The following DIAPH2 variants were observed in gnomAD, a reference collection of about 807,000 sequenced individuals.
DIAPH2 encodes the protein protein diaphanous homolog 2.
A neutral mutation model predicts 92.7 loss-of-function variants in DIAPH2; 35 were observed. The observed-to-expected ratio is 0.38, with a 90% CI of 0.29 to 0.50. The LOEUF (loss-of-function observed/expected upper bound fraction) is 0.50, where lower values mean the gene tolerates loss of function less well. DIAPH2 is among the 20% of genes least tolerant of loss of function. The probability of loss-of-function intolerance (pLI) is 0.94; values close to 1 mark genes in which losing one functional copy is unlikely to be tolerated. For synonymous variants in DIAPH2, 301 were observed against 280.4 expected (o/e 1.07, Z -0.73); for missense variants, 701 against 819.5 (o/e 0.86, Z 1.77).
chrX:96,948,763 C>A (rs2065754132), intron 14 of DIAPH2, among the ~76,000 whole-genome samples, 172 bp from the exon 15 acceptor site: 1 of 110,091 alleles, frequency 9.1e-6, no homozygotes, highest in Admixed American at 9.7e-5. Flanking sequence ...TCTTTACTAC[C>A]CCACCTCCAC....
intron 17 of DIAPH2, among the ~76,000 whole-genome samples, chrX:97,016,828 A>G (rs2066264287): frequency 8.9e-6 from 1 of 112,459 alleles, no homozygotes; most frequent in Non-Finnish European, 1.9e-5. Context: ...ATGCCCATCT[A>G]CTTTGTTTAT....
intron 26 of DIAPH2, among the ~76,000 whole-genome samples, chrX:97,553,836 T>G (rs1055490780): frequency 1.8e-5 from 2 of 111,016 alleles, no homozygotes; most frequent in Admixed American, 9.6e-5. Context: ...CTCTTCCTAC[T>G]TAATAACTCA....
chrX:97,213,558 G>C (rs759063064), intron 22 of DIAPH2, among the ~76,000 whole-genome samples: 48 of 111,652 alleles, frequency 4.3e-4, no homozygotes, highest in Non-Finnish European at 6.2e-4. Context: ...ATTGTGCTTT[G>C]CTTTATCAGA....
At chrX:97,570,138 AT>A (rs2071360526) in intron 26 of DIAPH2, among the ~76,000 whole-genome samples, 1 of 81,169 alleles carries the variant, frequency 1.2e-5, no homozygotes, top group African/African-American at 4.5e-5. Context: ...AGATAGATAG[AT>A]AGATAGATAG....
intron 23 of DIAPH2, among the ~76,000 whole-genome samples, chrX:97,316,530 C>G (rs978482834): frequency 9.2e-6 from 1 of 108,223 alleles, no homozygotes; most frequent in Non-Finnish European, 1.9e-5. Context: ...GTGGCGCGCA[C>G]CAGTAGTCCC....
chrX:96,959,090 T>C (rs184640171), intron 16 of DIAPH2, among the ~76,000 whole-genome samples: 291 of 111,895 alleles, frequency 2.6e-3, no homozygotes, highest in South Asian at 4.5e-3. Flanking sequence ...ACTGATTTCC[T>C]TTCCTTTGTA....
At chrX:97,200,413 C>T (rs888340662) in intron 22 of DIAPH2, among the ~76,000 whole-genome samples, 2 of 4,430 alleles carry the variant, frequency 4.5e-4, no homozygotes, top group Non-Finnish European at 1.5e-3. Context: ...GTCCCATTCC[C>T]ACGGAGCTCA....
At chrX:97,313,445 C>T (rs1027726603) in intron 23 of DIAPH2, among the ~76,000 whole-genome samples, 5 of 111,787 alleles carry the variant, frequency 4.5e-5, no homozygotes, top group African/African-American at 1.3e-4. Flanking sequence ...ACTTTGTCAT[C>T]GTGCTGCTTC....
chrX:97,133,680 T>C (rs982180258), intron 21 of DIAPH2, among the ~76,000 whole-genome samples: 1 of 112,290 alleles, frequency 8.9e-6, no homozygotes, highest in African/African-American at 3.2e-5. Context: ...ATATAATGTA[T>C]GGTAACATAT....
At chrX:96,930,372 C>G (rs1188641638) in intron 9 of DIAPH2, among the ~76,000 whole-genome samples, 8 of 110,420 alleles carry the variant, frequency 7.2e-5, no homozygotes, top group African/African-American at 2.6e-4. Flanking sequence ...AGAATTGAGG[C>G]CAAGTGTACT....
At chrX:97,219,577 A>G (rs1401597959) in intron 22 of DIAPH2, among the ~76,000 whole-genome samples, 3 of 112,254 alleles carry the variant, frequency 2.7e-5, no homozygotes, top group East Asian at 5.5e-4. Context: ...TCAGAAAATC[A>G]TATTTTAAAG....
chrX:97,114,660 C>T, intron 20 of DIAPH2, 66 bp from the exon 21 acceptor site: 1 of 947,435 alleles, frequency 1.1e-6, no homozygotes, highest in Non-Finnish European at 1.4e-6. Context: ...TGAAATTATC[C>T]CCACTAAAGA....
At chrX:97,364,011 A>G (rs764308064) in intron 24 of DIAPH2, among the ~76,000 whole-genome samples, 1 of 112,339 alleles carries the variant, frequency 8.9e-6, no homozygotes, top group African/African-American at 3.2e-5. Context: ...TCTGTATTAC[A>G]TACATGCCCT....
intron 18 of DIAPH2, 132 bp downstream of exon 18, chrX:97,073,174 G>T: frequency 2.2e-6 from 1 of 456,034 alleles, no homozygotes; most frequent in South Asian, 4.2e-5. Flanking sequence ...AAAATCCTGT[G>T]TAAACATGAT....
intron 22 of DIAPH2, among the ~76,000 whole-genome samples, chrX:97,165,239 T>C (rs956376570): frequency 9.0e-6 from 1 of 110,983 alleles, no homozygotes; most frequent in African/African-American, 3.3e-5. Flanking sequence ...CTCCTTCTGA[T>C]AGTGTGTTCA....
chrX:97,039,895 G>A (rs2066437114), intron 17 of DIAPH2, among the ~76,000 whole-genome samples: 1 of 111,648 alleles, frequency 9.0e-6, no homozygotes, highest in African/African-American at 3.3e-5. Flanking sequence ...ATGTAGATGA[G>A]TCAAATCCAG....
rs924307050 is a variant in DIAPH2 at position 97,061,768 on chromosome X, C to T, written c.2051-11173C>T. Among the ~76,000 whole-genome samples, 6 of 96,877 alleles carry T rather than the reference C, an allele frequency of 6.2e-5. No homozygotes were observed. In the South Asian group the frequency reaches 1.7e-3, roughly 27 times the overall value. The allele number at this position is 96,877 out of a possible 115,157, so 84.1% of individuals were successfully genotyped here. The stretch of plus-strand genomic sequence containing the variant: ...GGCAGAGGTTGCAGTAGGCCGAGAT[C>T]GCACCACTGCACTCCAGCCTGGGCA... On this transcript the variant is annotated intron_variant, in intron 17 of 26. Coordinates refer to ENST00000324765, the MANE Select transcript of DIAPH2 (RefSeq NM_006729.5).
At chrX:97,133,445 G>A (rs982125278) in intron 21 of DIAPH2, among the ~76,000 whole-genome samples, 6 of 111,420 alleles carry the variant, frequency 5.4e-5, no homozygotes, top group South Asian at 7.6e-4. Context: ...GTGCCACCAC[G>A]CCTAGCTAAT....
chrX:97,050,499 T>A lies in DIAPH2; in HGVS notation c.2051-22442T>A, dbSNP rs771668139. Among the ~76,000 whole-genome samples the A allele has an allele frequency of 6.0e-4, 64 of 105,811 alleles. No homozygotes were observed. In the South Asian group the frequency reaches 0.025, roughly 41 times the overall value. The allele number at this position is 105,811 out of a possible 115,157, so 91.9% of individuals were successfully genotyped here. A position where few individuals can be genotyped will look rare whatever the true frequency, so the allele number is the denominator to read the frequency against. On this transcript the variant is annotated intron_variant, in intron 17 of 26. Coordinates refer to ENST00000324765, the MANE Select transcript of DIAPH2 (RefSeq NM_006729.5). Reference sequence around the variant, plus strand: ...ACAACACACAAATAATAGAACCACGTTTTTTTGTTTTTTTTTTTTTTTCCT... The same window carrying A: ...ACAACACACAAATAATAGAACCACGATTTTTTGTTTTTTTTTTTTTTTCCT...
Sources: gnomAD v4.1 joint callset for allele counts (sites outside exome capture counted in the v4.1 genomes callset) on GRCh38, gnomAD v4.1.1 for gene constraint, MANE v1.5 for transcripts, NCBI Gene and HGNC (gene_info 2026-07-23, HGNC 2026-07-21) for gene names.